The following KCNMB1 variants were observed in gnomAD, a reference collection of about 807,000 sequenced individuals.
The protein encoded by KCNMB1 is potassium calcium-activated channel subfamily M regulatory beta subunit 1, also known as calcium-activated potassium channel subunit beta-1.
KCNMB1 carries 22 observed loss-of-function variants against 21.7 expected under a neutral mutation model. That is an observed-to-expected ratio of 1.01 (90% CI 0.72 to 1.45). The LOEUF (loss-of-function observed/expected upper bound fraction) is 1.45. Among genes scored for constraint, KCNMB1 ranks in the 40% most tolerant of loss-of-function variants. KCNMB1 has a pLI of 0.00. For missense variants in KCNMB1, 243 were observed against 243.4 expected, an observed-to-expected ratio of 1.00 and a Z score of 0.01; for synonymous variants, 114 against 107.6, an observed-to-expected ratio of 1.06 and a Z score of -0.37.
chr5:170,388,693 G>A (rs4867963), intron 1 of KCNMB1, among the ~76,000 whole-genome samples: 3,829 of 152,222 alleles, frequency 0.025, 101 homozygotes, highest in East Asian at 0.1. Context: ...TGGACAGGGC[G>A]ATTCTGAGGT....
At chr5:170,388,351 C>T (rs562342448) in intron 1 of KCNMB1, among the ~76,000 whole-genome samples, 5 of 152,110 alleles carry the variant, frequency 3.3e-5, no homozygotes, top group Admixed American at 1.3e-4. Flanking sequence ...AAAGGGAGAA[C>T]CTTTGGCGGG....
At chr5:170,388,112 G>A (rs1764559818) in intron 1 of KCNMB1, among the ~76,000 whole-genome samples, 1 of 152,226 alleles carries the variant, frequency 6.6e-6, no homozygotes, top group South Asian at 2.1e-4. Context: ...GTGAAGGCAG[G>A]AACCTGGTTT....
Position 170,387,969 on chromosome 5 carries a change from A to G in KCNMB1, c.-25+1290T>C, listed in dbSNP as rs73800653. Among the ~76,000 whole-genome samples the G allele has an allele frequency of 2.5e-3, 386 of 152,326 alleles. 1 individual carries two copies. The highest frequency in any genetic ancestry group is 8.7e-3 in the African/African-American group (362 of 41,578). ...ACAAAGCCATTTCTCTCCTGGGGGA[A>G]CTGGATCGCACCTGTGGGGGCTTCC... On this transcript the variant is annotated intron_variant, in intron 1 of 3. Transcript: ENST00000274629.
At position 170,385,328 on chromosome 5, in the gene KCNMB1, G is replaced by A. The variant is rs776683896; in HGVS notation, c.120C>T (p.Pro40=). The change falls in exon 2 of 4, where the codon CCC becomes CCT. Residue 40 remains proline, a synonymous_variant. Transcript: ENST00000274629. The part of the protein sequence containing the change: ...TYYILVTTVL[P]LYQKSVWTQE... ...GAGCTCAGTACCTTTTCTGGTAGAGGGGCAGCACAGTCGTGACCAGGATGT... is the reference window on the plus strand; with the variant it reads ...GAGCTCAGTACCTTTTCTGGTAGAGAGGCAGCACAGTCGTGACCAGGATGT... 1.9e-5 allele frequency: 30 copies of A among 1,614,034 alleles called. No individual in the cohort carries two copies. In the Admixed American group the frequency reaches 3.7e-4, roughly 20 times the overall value.
intron 2 of KCNMB1, among the ~76,000 whole-genome samples, chr5:170,384,594 C>T (rs1265306346): frequency 6.6e-6 from 1 of 152,216 alleles, no homozygotes; most frequent in African/African-American, 2.4e-5. Flanking sequence ...GTGGGAGACC[C>T]ATTGCCAGTC....
intron 2 of KCNMB1, 126 bp from the exon 3 acceptor site, chr5:170,383,976 T>C: frequency 1.1e-6 from 1 of 923,128 alleles, no homozygotes; most frequent in Non-Finnish European, 1.6e-6. Context: ...TCATCTTGTC[T>C]TCAGCATCCA....
intron 3 of KCNMB1, among the ~76,000 whole-genome samples, chr5:170,380,807 C>T (rs1471333067): frequency 6.6e-6 from 1 of 152,186 alleles, no homozygotes; most frequent in Non-Finnish European, 1.5e-5. Context: ...TGGAGTCAGA[C>T]AGGCCTGAGT....
intron 1 of KCNMB1, among the ~76,000 whole-genome samples, chr5:170,386,852 C>A (rs1230673943): frequency 2.0e-5 from 3 of 152,096 alleles, no homozygotes; most frequent in Non-Finnish European, 4.4e-5. Context: ...TCTCCTCTTT[C>A]TTTAGGCAGC....
At chr5:170,379,110 G>T in intron 3 of KCNMB1, 137 bp from the exon 4 acceptor site, 2 of 1,033,880 alleles carry the variant, frequency 1.9e-6, no homozygotes, top group South Asian at 1.7e-5. Context: ...CTAAAGCTTG[G>T]CAGGCCATGC....
intron 1 of KCNMB1, among the ~76,000 whole-genome samples, chr5:170,388,510 T>C (rs1218324319): frequency 6.6e-6 from 1 of 152,222 alleles, no homozygotes; most frequent in Non-Finnish European, 1.5e-5. Flanking sequence ...TTCCAGGATA[T>C]ATCTTCCCAT....
chr5:170,381,939 G>A (rs1011505123), intron 3 of KCNMB1, among the ~76,000 whole-genome samples: 1 of 152,126 alleles, frequency 6.6e-6, no homozygotes, highest in Admixed American at 6.5e-5. Flanking sequence ...TCATACTAGC[G>A]ATGACAGAAC....
At chr5:170,380,986 T>C (rs1410918974) in intron 3 of KCNMB1, among the ~76,000 whole-genome samples, 1 of 152,230 alleles carries the variant, frequency 6.6e-6, no homozygotes, top group Non-Finnish European at 1.5e-5. Context: ...AAGTGGAAGA[T>C]GCTATTATTA....
At position 170,378,772 on chromosome 5, in the gene KCNMB1, C is replaced by T. The variant is rs768115325; in HGVS notation, c.508G>A (p.Gly170Ser). 1.2e-5 allele frequency: 19 copies of T among 1,614,046 alleles called. No individual in the cohort carries two copies. Among genetic ancestry groups the T allele is most frequent in the Middle Eastern group, 1.6e-4 (1 of 6,084 alleles). ...ACCATGGCGATAATGAGGAGGCCAC[C>T]GGTCAGCAGGAAGGTGGGCCAGAAG... is the stretch of plus-strand genomic sequence containing the variant. ...SLFWPTFLLTGGLLIIAMVKS... is the reference protein window; with the variant it reads ...SLFWPTFLLTSGLLIIAMVKS... The change falls in exon 4 of 4, where the codon GGT becomes AGT. Residue 170 changes from glycine (G) to serine (S), a missense_variant. Transcript: ENST00000274629.
chr5:170,383,650 G>C lies in KCNMB1; in HGVS notation c.306+29C>G, dbSNP rs758481386. The C allele has an allele frequency of 3.1e-6, 5 of 1,612,360 alleles. No individual in the cohort carries two copies. The South Asian group carries it at 4.4e-5, about 14-fold the overall frequency. On this transcript the variant is annotated intron_variant, in intron 3 of 3. Coordinates refer to ENST00000274629, the MANE Select transcript of KCNMB1 (RefSeq NM_004137.4). ...CTCACACACCTGACAGGGATAAAGG[G>C]ATGTGTCCCCATCCCTCCAGTTCAG...
Position 170,383,708 on chromosome 5 carries a change from T to A in KCNMB1, c.277A>T (p.Thr93Ser), listed in dbSNP as rs763985058. 1 of 1,614,156 alleles carries A rather than the reference T, an allele frequency of 6.2e-7. No individual in the cohort carries two copies. Among genetic ancestry groups the A allele is most frequent in the Admixed American group, 1.7e-5 (1 of 60,020 alleles). Reference sequence around the variant, plus strand: ...TGGTTCTGGTCCCGAGTGTCCTCCGTGTGGTACAGCACAGCCCACCTGCCG... The same window carrying A: ...TGGTTCTGGTCCCGAGTGTCCTCCGAGTGGTACAGCACAGCCCACCTGCCG... ...AAGRWAVLYH[T>S]EDTRDQNQQC... Residue 93 changes from threonine (T) to serine (S), a missense_variant, in exon 3 of 4, where the codon ACG becomes TCG. Transcript: ENST00000274629.
chr5:170,382,497 G>A (rs1056959287), intron 3 of KCNMB1, among the ~76,000 whole-genome samples: 9 of 151,990 alleles, frequency 5.9e-5, no homozygotes, highest in Non-Finnish European at 8.8e-5. Context: ...CCCATCATGG[G>A]TCATTTTCTG....
intron 1 of KCNMB1, 140 bp from the exon 2 acceptor site, chr5:170,385,611 G>T: frequency 1.2e-6 from 1 of 851,922 alleles, no homozygotes; most frequent in Non-Finnish European, 1.8e-6. Context: ...ACTTCCAGAA[G>T]TCTTGCTTTT....
At chr5:170,384,396 G>A (rs1337400453) in intron 2 of KCNMB1, among the ~76,000 whole-genome samples, 6 of 152,230 alleles carry the variant, frequency 3.9e-5, no homozygotes, top group Non-Finnish European at 8.8e-5. Context: ...AGATGTAGAA[G>A]GGGTTTGAGT....
At chr5:170,383,198 C>G (rs1404059675) in intron 3 of KCNMB1, 2 of 252,152 alleles carry the variant, frequency 7.9e-6, no homozygotes, top group Non-Finnish European at 1.5e-5. Flanking sequence ...GGAGGTTACT[C>G]CAGCCCTGAG....
Sources: allele counts gnomAD v4.1 joint callset (sites outside exome capture counted in the v4.1 genomes callset), GRCh38; gene constraint gnomAD v4.1.1; transcripts MANE v1.5; gene names NCBI Gene and HGNC (gene_info 2026-07-23, HGNC 2026-07-21).